SLC6A3: variants seen among roughly 807,000 people sequenced by gnomAD.
SLC6A3 encodes the protein sodium-dependent dopamine transporter.
In SLC6A3, 19 loss-of-function variants were observed where a neutral mutation model predicts 70.4. The observed-to-expected ratio is 0.27, with a 90% CI of 0.19 to 0.40. SLC6A3 has a LOEUF of 0.40. Ranked by LOEUF, SLC6A3 falls within the 10% of genes least tolerant of loss-of-function variation. The pLI, the probability that SLC6A3 is intolerant of heterozygous loss-of-function variation, is 1.00. For missense variants in SLC6A3, 613 were observed against 838.5 expected (o/e 0.73, Z 3.32); for synonymous variants, 368 against 356.6 (o/e 1.03, Z -0.36).
rs757452695 is a variant in SLC6A3 at position 1,409,006 on chromosome 5, C to A, written c.1498+20G>T. On this transcript the variant is annotated intron_variant, in intron 11 of 14. Coordinates refer to ENST00000270349, the MANE Select transcript of SLC6A3 (RefSeq NM_001044.5). ...ACCAAACAAGAGGGTGCCGGCTTGG[C>A]TGCCTTCCCCCGGACTCACCATAGA... The A allele has an allele frequency of 1.3e-5, 21 of 1,564,414 alleles. No homozygotes were observed. The highest frequency in any genetic ancestry group is 1.8e-5 in the Non-Finnish European group (21 of 1,136,478).
rs189117846 is a variant in SLC6A3 at position 1,394,200 on chromosome 5, C to T, written c.*535G>A. On this transcript the variant is annotated 3_prime_UTR_variant, in exon 15 of 15. Coordinates refer to ENST00000270349, the MANE Select transcript of SLC6A3 (RefSeq NM_001044.5). This position sits in a 1 kb window ranked among gnomAD's most constrained non-coding sequence, Gnocchi z 4.7. ...AATTTACGGCCTCTGCTGGGAGCCACGCATCGGGAAAGGACTTTGCATGAA... is the reference window on the plus strand; with the variant it reads ...AATTTACGGCCTCTGCTGGGAGCCATGCATCGGGAAAGGACTTTGCATGAA... 1.5e-4 allele frequency: 27 copies of T among 182,932 alleles called. No homozygotes were observed. The highest frequency in any genetic ancestry group is 3.3e-4 in the African/African-American group (14 of 42,424). The allele number at this position is 182,932 out of a possible 1,614,324, so 11.3% of individuals were successfully genotyped here. A position where few individuals can be genotyped will look rare whatever the true frequency, so the allele number is the denominator to read the frequency against.
In SLC6A3 at chr5:1,432,592, G is replaced by A. The variant is rs1371924176; in HGVS notation, c.525C>T (p.Leu175=). The A allele has an allele frequency of 2.5e-6, 4 of 1,614,228 alleles. No individual in the cohort carries two copies. Among genetic ancestry groups the A allele is most frequent in the Admixed American group, 3.3e-5 (2 of 60,036 alleles). ...AGGAGTTGTTGCAGTGGATCCAGGG[G>A]AGCTCCGTGGTGAAGGAGGAGAAGA... ...HYLFSSFTTE[L]PWIHCNNSWN... is the part of the protein sequence containing the mutation. Residue 175 remains leucine (L), a synonymous_variant, in exon 4 of 15, where the codon CTC becomes CTT. Coordinates refer to ENST00000270349, the MANE Select transcript of SLC6A3 (RefSeq NM_001044.5).
At chr5:1,444,540 C>G (rs1255152401) in intron 1 of SLC6A3, among the ~76,000 whole-genome samples, 2 of 152,250 alleles carry the variant, frequency 1.3e-5, no homozygotes, top group African/African-American at 4.8e-5. Context: ...CAAGTTTGCA[C>G]AAAACCTCAC....
In SLC6A3 at chr5:1,400,954, G is replaced by C; in HGVS notation, c.1800C>G (p.Asp600Glu). 1 of 1,597,124 alleles carries C rather than the reference G, an allele frequency of 6.3e-7. No individual in the cohort carries two copies. The highest frequency in any genetic ancestry group is 8.5e-7 in the Non-Finnish European group (1 of 1,169,982). ...KLAYAIAPEK[D>E]RELVDRGEVR... is the part of the protein sequence containing the mutation. ...CCTCCCCTCTGTCCACCAGCTCACG[G>C]TCCTTCTCGGGTGCAATGGCGTAGG... The change falls in exon 14 of 15, where the codon GAC (aspartate) becomes GAG (glutamate). Residue 600 changes from aspartate to glutamate, a missense_variant. Physicochemically the swap from Asp to Glu is conservative, Grantham distance 45. This residue lies in a region of SLC6A3 where 348 missense variants were observed against 481.2 expected (regional missense o/e 0.72). Transcript: ENST00000270349.
chr5:1,410,124 C>A (rs1014876777), intron 9 of SLC6A3, among the ~76,000 whole-genome samples: 2 of 152,208 alleles, frequency 1.3e-5, no homozygotes, highest in Admixed American at 6.5e-5. Context: ...GGGTAAGATG[C>A]GGCATGGCTA....
Position 1,421,840 on chromosome 5 carries a change from T to G in SLC6A3, c.792+36A>C. On this transcript the variant is annotated intron_variant, in intron 5 of 14. Coordinates refer to ENST00000270349, the MANE Select transcript of SLC6A3 (RefSeq NM_001044.5). This position sits in a 1 kb window ranked among gnomAD's most constrained non-coding sequence, Gnocchi z 7.2. ...GCCACATGTCCACTTGGTGGCCCCA[T>G]GTCTACAGGCCCAATTGGTGACCCC... The G allele has an allele frequency of 1.2e-6, 2 of 1,611,608 alleles. No individual in the cohort carries two copies. The highest frequency in any genetic ancestry group is 1.1e-5 in the South Asian group (1 of 91,058).
chr5:1,414,408 T>TGGGTGGGGGGGCCG (rs1756207537), intron 8 of SLC6A3, among the ~76,000 whole-genome samples: 27 of 28,726 alleles, frequency 9.4e-4, no homozygotes, highest in Non-Finnish European at 1.5e-3. Context: ...TGGGGGGGCC[T>TGGGTGGGGGGGCCG]GGAGGGGCAG....
Position 1,406,358 on chromosome 5 carries a change from G to T in SLC6A3, c.1499-70C>A. 2 of 1,311,700 alleles carry T rather than the reference G, an allele frequency of 1.5e-6. No homozygotes were observed. The highest frequency in any genetic ancestry group is 1.2e-5 in the South Asian group (1 of 85,066). 81.3% of individuals were successfully genotyped at this position (1,311,700 alleles called of 1,614,324 possible). ...TCCCCCGATGCTGGACACGTGTGGGGGTCCTCGCTGACTCCCAAGGGCCCC... is the reference window on the plus strand; with the variant it reads ...TCCCCCGATGCTGGACACGTGTGGGTGTCCTCGCTGACTCCCAAGGGCCCC... On this transcript the variant is annotated intron_variant, in intron 11 of 14. Coordinates refer to ENST00000270349, the MANE Select transcript of SLC6A3 (RefSeq NM_001044.5). The surrounding 1 kb of genome is among the most constrained non-coding windows in gnomAD (Gnocchi z 8.8).
Position 1,442,801 on chromosome 5 carries a change from G to T in SLC6A3, c.286+111C>A. The T allele has an allele frequency of 1.8e-6, 2 of 1,122,570 alleles. No individual in the cohort carries two copies. Among genetic ancestry groups the T allele is most frequent in the Non-Finnish European group, 1.3e-6 (1 of 742,788 alleles). 69.5% of individuals were successfully genotyped at this position (1,122,570 alleles called of 1,614,324 possible). On this transcript the variant is annotated intron_variant, in intron 2 of 14. Transcript: ENST00000270349. The surrounding 1 kb of genome is among the most constrained non-coding windows in gnomAD (Gnocchi z 5.0). ...GCCGTGAGCTCTCACAGGGAGCTCC[G>T]TCTTCACGCATGGGAACAGCTTCAT...
In SLC6A3 at chr5:1,444,698, T is replaced by C. The variant is rs575737104; in HGVS notation, c.-46+650A>G. On this transcript the variant is annotated intron_variant, in intron 1 of 14. Coordinates refer to ENST00000270349, the MANE Select transcript of SLC6A3 (RefSeq NM_001044.5). ...GGGCGTCGGGTGCGGAGCTCGCGAGTCTCCGGCAAGCCGCCGCCGCCCTGG... is the reference window on the plus strand; with the variant it reads ...GGGCGTCGGGTGCGGAGCTCGCGAGCCTCCGGCAAGCCGCCGCCGCCCTGG... Among the ~76,000 whole-genome samples the C allele has an allele frequency of 5.3e-5, 8 of 152,072 alleles. No individual in the cohort carries two copies. In the South Asian group the frequency reaches 1.7e-3, roughly 32 times the overall value.
chr5:1,442,497 G>T lies in SLC6A3; in HGVS notation c.286+415C>A, dbSNP rs1045874051. On this transcript the variant is annotated intron_variant, in intron 2 of 14. Transcript: ENST00000270349. This position sits in a 1 kb window ranked among gnomAD's most constrained non-coding sequence, Gnocchi z 5.0. ...CAGGGGACACAGTCACTTTCCAGGG[G>T]CCTCCTCTGCCACTCCAGGCTCCAG... 1.3e-5 allele frequency among the ~76,000 whole-genome samples: 2 copies of T among 152,208 alleles called. No homozygotes were observed. The highest frequency in any genetic ancestry group is 3.9e-4 in the East Asian group (2 of 5,188).
rs1756294708 is a variant in SLC6A3 at position 1,416,509 on chromosome 5, A to G, written c.928-308T>C. 7.9e-6 allele frequency: 4 copies of G among 503,642 alleles called. No individual in the cohort carries two copies. In the South Asian group the frequency reaches 8.2e-5, roughly 10 times the overall value. 31.2% of individuals were successfully genotyped at this position (503,642 alleles called of 1,614,324 possible). A position where few individuals can be genotyped will look rare whatever the true frequency, so the allele number is the denominator to read the frequency against. ...TGCCCTGCTCCATAGCCCTCAGAAC[A>G]GCATGGACTCATCCACACACGGCAT... is the stretch of plus-strand genomic sequence containing the variant. On this transcript the variant is annotated intron_variant, in intron 6 of 14. Transcript: ENST00000270349.
chr5:1,403,188 C>A, intron 12 of SLC6A3, 99 bp from the exon 13 acceptor site: 2 of 1,394,580 alleles, frequency 1.4e-6, no homozygotes. Flanking sequence ...GTCTCTCAGC[C>A]CCCACAGCTG....
At position 1,394,592 on chromosome 5, in the gene SLC6A3, G is replaced by C; in HGVS notation, c.*143C>G. On this transcript the variant is annotated 3_prime_UTR_variant, in exon 15 of 15. Coordinates refer to ENST00000270349, the MANE Select transcript of SLC6A3 (RefSeq NM_001044.5). The surrounding 1 kb of genome is among the most constrained non-coding windows in gnomAD (Gnocchi z 4.7). The stretch of plus-strand genomic sequence containing the variant: ...AGGTGTAAACAGTCAGAAGAGAGGA[G>C]TCTTCTGCTTTGTTGTTTGTGTTTT... The C allele has an allele frequency of 1.2e-6, 1 of 838,024 alleles. No individual in the cohort carries two copies. The highest frequency in any genetic ancestry group is 1.4e-5 in the South Asian group (1 of 73,842). 51.9% of individuals were successfully genotyped at this position (838,024 alleles called of 1,614,324 possible). A position where few individuals can be genotyped will look rare whatever the true frequency, so the allele number is the denominator to read the frequency against.
chr5:1,414,591 C>T, intron 8 of SLC6A3, 100 bp downstream of exon 8: 3 of 1,381,092 alleles, frequency 2.2e-6, no homozygotes, highest in East Asian at 2.5e-5. Context: ...TCGCTCAGGG[C>T]CCATGCGTCT....
chr5:1,403,683 C>T (rs552497444), intron 12 of SLC6A3, among the ~76,000 whole-genome samples: 4 of 152,100 alleles, frequency 2.6e-5, no homozygotes, highest in South Asian at 4.2e-4. Context: ...GTGACCCATG[C>T]GGGACCACCC....
rs1048125664 is a variant in SLC6A3, at chr5:1,406,300, G to C, written c.1499-12C>G. ...GAACTGCCCAACACCTGAGGGAGAA[G>C]AGGTGGCATCAGTGTCCATCAGGGC... is the stretch of plus-strand genomic sequence containing the variant. On this transcript the variant is annotated splice_polypyrimidine_tract_variant and intron_variant, in intron 11 of 14. Transcript: ENST00000270349. This position sits in a 1 kb window ranked among gnomAD's most constrained non-coding sequence, Gnocchi z 8.8. 5.0e-6 allele frequency: 8 copies of C among 1,608,662 alleles called. No individual in the cohort carries two copies. Among genetic ancestry groups the C allele is most frequent in the Non-Finnish European group, 6.8e-6 (8 of 1,176,198 alleles).
intron 3 of SLC6A3, among the ~76,000 whole-genome samples, chr5:1,434,135 G>A (rs1756775091): frequency 6.6e-6 from 1 of 152,238 alleles, no homozygotes; most frequent in Non-Finnish European, 1.5e-5. Flanking sequence ...TTACAGCCAT[G>A]TGGAGCCATC....
chr5:1,429,543 G>C (rs945235035), intron 4 of SLC6A3, among the ~76,000 whole-genome samples: 4 of 152,082 alleles, frequency 2.6e-5, no homozygotes, highest in African/African-American at 7.2e-5. Context: ...TCTTAACAAC[G>C]AATCACTGGA....
Sources: allele counts gnomAD v4.1 joint callset (sites outside exome capture counted in the v4.1 genomes callset), GRCh38; gene constraint gnomAD v4.1.1; regional missense constraint gnomAD v4.1.1; non-coding constraint Gnocchi (gnomAD v3.1); transcripts MANE v1.5; gene names NCBI Gene and HGNC (gene_info 2026-07-23, HGNC 2026-07-21).